PMFBP1: variants seen among roughly 807,000 people sequenced by gnomAD.
PMFBP1 encodes the protein polyamine modulated factor 1 binding protein 1.
A neutral mutation model predicts 137.8 loss-of-function variants in PMFBP1; 131 were observed. That is an observed-to-expected ratio of 0.95 (90% CI 0.82 to 1.10). The LOEUF is 1.10. PMFBP1 is among the 50% of genes least tolerant of loss of function. PMFBP1 has a pLI of 0.00. For missense variants in PMFBP1, 1,199 were observed against 1,175.4 expected (o/e 1.02, Z -0.29); for synonymous variants, 490 against 450.4 (o/e 1.09, Z -1.11).
chr16:72,172,413 T>C (rs540291431), upstream of PMFBP1: 40 of 150,120 alleles, frequency 2.7e-4, no homozygotes, highest in African/African-American at 9.6e-4. Flanking sequence ...CACATTGTCC[T>C]CAATATCCTC....
intron 19 of PMFBP1, 58 bp from the exon 20 acceptor site, chr16:72,120,147 C>T (rs2042356371): frequency 1.9e-6 from 3 of 1,611,506 alleles, no homozygotes; most frequent in African/African-American, 1.3e-5. Flanking sequence ...GGTTGGTTCC[C>T]TGCTAGAAAG....
At chr16:72,150,347 G>A (rs528267671) in intron 5 of PMFBP1, among the ~76,000 whole-genome samples, 2 of 152,278 alleles carry the variant, frequency 1.3e-5, no homozygotes, top group East Asian at 3.9e-4. Flanking sequence ...TGGGGCTGAA[G>A]CTTATTTGGT....
At chr16:72,212,325 TA>T in the PMFBP1 span, among the ~76,000 whole-genome samples, 1 of 152,064 alleles carries the variant, frequency 6.6e-6, no homozygotes, top group Non-Finnish European at 1.5e-5. Flanking sequence ...TAGCAAGATG[TA>T]ATAGAAAATA....
At chr16:72,156,915 C>T (rs189239820) in intron 3 of PMFBP1, among the ~76,000 whole-genome samples, 27 of 151,858 alleles carry the variant, frequency 1.8e-4, no homozygotes, top group Admixed American at 6.5e-4. Flanking sequence ...CGGCTGGGTG[C>T]GGTGGCTCAC....
the PMFBP1 span, among the ~76,000 whole-genome samples, chr16:72,185,670 C>T: frequency 6.6e-6 from 1 of 152,112 alleles, no homozygotes; most frequent in Non-Finnish European, 1.5e-5. Context: ...ACTGCAAACT[C>T]CATAGATCAA....
chr16:72,138,931 A>C (rs572109165), intron 7 of PMFBP1, among the ~76,000 whole-genome samples: 1 of 149,858 alleles, frequency 6.7e-6, no homozygotes, highest in Non-Finnish European at 1.5e-5. Context: ...AAAAAAAAGC[A>C]GGGGGAATAA....
chr16:72,215,219 C>T, the PMFBP1 span, among the ~76,000 whole-genome samples: 3 of 151,946 alleles, frequency 2.0e-5, no homozygotes. Flanking sequence ...AATAGAAGTT[C>T]CAAAATTGAA....
chr16:72,164,628 T>C, intron 3 of PMFBP1, 136 bp downstream of exon 3: 1 of 1,283,446 alleles, frequency 7.8e-7, no homozygotes, highest in African/African-American at 1.5e-5. Flanking sequence ...TGTTTAATTC[T>C]CTTAATTCTC....
rs936942662 is a variant in PMFBP1 at position 72,168,018 on chromosome 16, T to A, written c.13-3102A>T. Among the ~76,000 whole-genome samples the A allele has an allele frequency of 2.0e-5, 3 of 152,208 alleles. No homozygotes were observed. In the East Asian group the frequency reaches 5.8e-4, roughly 29 times the overall value. On this transcript the variant is annotated intron_variant, in intron 2 of 20. Coordinates refer to ENST00000237353, the MANE Select transcript of PMFBP1 (RefSeq NM_031293.3). ...CTTTTGCACCACCAGAAGTTCAGAA[T>A]TGGATCTTCAATACAGATGATCTCA...
chr16:72,206,422 A>C, the PMFBP1 span, among the ~76,000 whole-genome samples: 1 of 152,228 alleles, frequency 6.6e-6, no homozygotes, highest in African/African-American at 2.4e-5. Context: ...TCAGCATTCC[A>C]GGAGGGCAGC....
At chr16:72,149,657 T>C (rs996577172) in intron 5 of PMFBP1, among the ~76,000 whole-genome samples, 8 of 152,098 alleles carry the variant, frequency 5.3e-5, no homozygotes, top group Middle Eastern at 3.2e-3. Flanking sequence ...ACCATGTCTC[T>C]ACTAAAAACA....
rs777254796 is a variant in PMFBP1 at position 72,126,174 on chromosome 16, G to A, written c.2089-42C>T. On this transcript the variant is annotated intron_variant, in intron 14 of 20. Transcript: ENST00000237353. ...CAGAACTGTCAGGGTGCCAGGTCAG[G>A]GTCATAGAGGCATTCTCTGTGCCTA... 111 of 1,598,676 alleles carry A rather than the reference G, an allele frequency of 6.9e-5. 1 individual carries two copies. The Middle Eastern group carries it at 7.6e-3, about 109-fold the overall frequency.
chr16:72,219,191 A>T, the PMFBP1 span, among the ~76,000 whole-genome samples: 1 of 152,194 alleles, frequency 6.6e-6, no homozygotes, highest in Admixed American at 6.5e-5. Context: ...ATTGTTGTGT[A>T]GTCACCATGA....
intron 18 of PMFBP1, 96 bp from the exon 19 acceptor site, chr16:72,123,084 A>AAC: frequency 5.4e-6 from 6 of 1,109,898 alleles, no homozygotes; most frequent in Non-Finnish European, 8.0e-6. Context: ...TCTCAGCAAG[A>AAC]CTGCTGCTGC....
the PMFBP1 span, among the ~76,000 whole-genome samples, chr16:72,197,399 G>T: frequency 1.4e-3 from 212 of 152,316 alleles, 1 homozygote; most frequent in Middle Eastern, 0.034. Context: ...CTCAGGAAAG[G>T]TTTAGTTTAA....
intron 12 of PMFBP1, 152 bp downstream of exon 12, chr16:72,130,061 C>A: frequency 1.1e-6 from 1 of 917,244 alleles, no homozygotes. Flanking sequence ...TGCTATGTTG[C>A]CTAGGCTGGT....
chr16:72,153,875 T>C, intron 4 of PMFBP1, among the ~76,000 whole-genome samples: 1 of 148,214 alleles, frequency 6.7e-6, no homozygotes, highest in African/African-American at 2.5e-5. Flanking sequence ...CCTACAGTCT[T>C]TTGCATTTAC....
At chr16:72,191,029 CA>C in the PMFBP1 span, among the ~76,000 whole-genome samples, 1 of 152,108 alleles carries the variant, frequency 6.6e-6, no homozygotes, top group Non-Finnish European at 1.5e-5. Context: ...CTTGGAAATA[CA>C]GTCATAAAAC....
upstream of PMFBP1, among the ~76,000 whole-genome samples, chr16:72,174,363 T>G (rs984842903): frequency 2.0e-5 from 3 of 152,224 alleles, no homozygotes; most frequent in Non-Finnish European, 4.4e-5. Context: ...AATGAATCAG[T>G]TCATGATTCC....
Sources: allele counts gnomAD v4.1 joint callset (sites outside exome capture counted in the v4.1 genomes callset), GRCh38; gene constraint gnomAD v4.1.1; transcripts MANE v1.5; gene names NCBI Gene and HGNC (gene_info 2026-07-23, HGNC 2026-07-21).